The following PTK2 variants were observed in gnomAD, a reference collection of about 807,000 sequenced individuals.
PTK2 encodes focal adhesion kinase 1.
In PTK2, 45 loss-of-function variants were observed where a neutral mutation model predicts 150.1. That is an observed-to-expected ratio of 0.30 (90% confidence interval 0.24 to 0.38). PTK2 has a LOEUF of 0.38. Ranked by LOEUF, PTK2 falls within the 10% of genes least tolerant of loss-of-function variation. The probability of loss-of-function intolerance (pLI) is 1.00; values close to 1 mark genes in which losing one functional copy is unlikely to be tolerated. For missense variants in PTK2, 919 were observed against 1,307.3 expected, an observed-to-expected ratio of 0.70 and a Z score of 4.58; for synonymous variants, 432 against 449.2, an observed-to-expected ratio of 0.96 and a Z score of 0.48.
At chr8:140,870,592 G>A (rs768885059) in intron 4 of PTK2, among the ~76,000 whole-genome samples, 6 of 152,180 alleles carry the variant, frequency 3.9e-5, no homozygotes, top group Non-Finnish European at 7.4e-5. Flanking sequence ...CAGATGTCAC[G>A]GACAAAATCC....
At chr8:140,932,820 G>A (rs1460294700) in intron 1 of PTK2, among the ~76,000 whole-genome samples, 3 of 151,608 alleles carry the variant, frequency 2.0e-5, no homozygotes, top group East Asian at 1.9e-4. Flanking sequence ...CAAACAAGAC[G>A]GGGGTTTGTA....
chr8:140,746,892 C>CTT (rs369382658), intron 17 of PTK2, 32 bp from the exon 21 acceptor site: 4,144 of 983,710 alleles, frequency 4.2e-3, no homozygotes, highest in Non-Finnish European at 4.6e-3. Flanking sequence ...GTTATTCTTT[C>CTT]TTTTTTTTTT....
chr8:140,820,447 G>T (rs759464986), intron 8 of PTK2, among the ~76,000 whole-genome samples: 3 of 152,056 alleles, frequency 2.0e-5, no homozygotes, highest in Non-Finnish European at 4.4e-5. Context: ...GTTGTGAACA[G>T]TATGAAAGGA....
chr8:140,923,916 G>A lies in PTK2; in HGVS notation c.-33+1745C>T, dbSNP rs368796646. ...TGGTCTCTCTGCTCCAGCTCTCACC[G>A]CCCTACACTCTATTCACAACCCTTC... On this transcript the variant is annotated intron_variant, in intron 2 of 31. Transcript: ENST00000522684. 4.4e-4 allele frequency among the ~76,000 whole-genome samples: 67 copies of A among 152,000 alleles called. 2 individuals are homozygous for A. Among genetic ancestry groups the A allele is most frequent in the South Asian group, 3.3e-3 (16 of 4,808 alleles).
At chr8:140,980,188 T>C (rs1169664858) in intron 1 of PTK2, among the ~76,000 whole-genome samples, 1 of 152,186 alleles carries the variant, frequency 6.6e-6, no homozygotes. Context: ...CAACTGCCCA[T>C]CAATTGTAGG....
chr8:140,866,374 C>A (rs1464958921), intron 4 of PTK2, among the ~76,000 whole-genome samples: 1 of 152,222 alleles, frequency 6.6e-6, no homozygotes, highest in African/African-American at 2.4e-5. Context: ...TCTGATGCTG[C>A]TGGTGATCAT....
chr8:140,967,618 G>A (rs985543041), intron 1 of PTK2, among the ~76,000 whole-genome samples: 3 of 151,822 alleles, frequency 2.0e-5, no homozygotes, highest in African/African-American at 4.8e-5. Context: ...CTGCCACCAC[G>A]CCCAGCTAAT....
intron 25 of PTK2, among the ~76,000 whole-genome samples, chr8:140,701,722 A>T (rs1355024488): frequency 1.3e-5 from 2 of 152,186 alleles, no homozygotes; most frequent in East Asian, 1.9e-4. Context: ...TTGCCTTTCA[A>T]ATAAATGGAC....
At chr8:140,738,914 A>T in intron 21 of PTK2, 104 bp downstream of exon 24, 1 of 661,326 alleles carries the variant, frequency 1.5e-6, no homozygotes, top group Non-Finnish European at 2.4e-6. Flanking sequence ...TGATCAGGTT[A>T]GGGAAGGCAA....
chr8:140,713,590 C>A (rs2100037934), intron 23 of PTK2, among the ~76,000 whole-genome samples: 1 of 152,214 alleles, frequency 6.6e-6, no homozygotes, highest in Non-Finnish European at 1.5e-5. Context: ...CGGGGACCTA[C>A]AGAGGTCCAA....
At chr8:140,897,832 T>C (rs1354448218) in intron 2 of PTK2, among the ~76,000 whole-genome samples, 1 of 152,218 alleles carries the variant, frequency 6.6e-6, no homozygotes, top group African/African-American at 2.4e-5. Context: ...AAAAAGTCTT[T>C]TACCCCCTCA....
intron 27 of PTK2, among the ~76,000 whole-genome samples, chr8:140,686,429 A>G (rs1172172070): frequency 6.6e-6 from 1 of 152,230 alleles, no homozygotes; most frequent in East Asian, 1.9e-4. Context: ...GCCTTTATCA[A>G]TAATAGTGCA....
At chr8:140,849,142 A>G (rs899275149) in intron 5 of PTK2, among the ~76,000 whole-genome samples, 11 of 152,348 alleles carry the variant, frequency 7.2e-5, no homozygotes, top group Admixed American at 7.2e-4. Context: ...TCAGAGCTGC[A>G]TGATCACACA....
At chr8:140,755,606 G>A (rs2100065211) in intron 16 of PTK2, among the ~76,000 whole-genome samples, 1 of 152,112 alleles carries the variant, frequency 6.6e-6, no homozygotes, top group Non-Finnish European at 1.5e-5. Flanking sequence ...ATCCCATGTG[G>A]AACAGCATCT....
chr8:140,807,022 T>C (rs189965796), intron 10 of PTK2, among the ~76,000 whole-genome samples: 50 of 152,328 alleles, frequency 3.3e-4, no homozygotes, highest in Admixed American at 8.5e-4. Context: ...GAAAGCCCCA[T>C]GAGGATGGGA....
chr8:140,722,676 G>A (rs1055134567), intron 22 of PTK2, among the ~76,000 whole-genome samples: 2 of 152,150 alleles, frequency 1.3e-5, no homozygotes, highest in Non-Finnish European at 2.9e-5. Context: ...TGAGAGAGAA[G>A]CACATCCCTG....
chr8:140,809,959 G>A (rs1175727843), intron 10 of PTK2, among the ~76,000 whole-genome samples: 2 of 152,224 alleles, frequency 1.3e-5, no homozygotes, highest in Non-Finnish European at 2.9e-5. Context: ...AAAATCACCA[G>A]AGAGAGGGAA....
chr8:140,967,675 G>C (rs548920562), intron 1 of PTK2, among the ~76,000 whole-genome samples: 1 of 152,138 alleles, frequency 6.6e-6, no homozygotes, highest in Non-Finnish European at 1.5e-5. Flanking sequence ...GGCCAGGCTG[G>C]TCTCCAACTC....
At position 140,833,337 on chromosome 8, in the gene PTK2, G is replaced by A. The variant is rs561205014; in HGVS notation, c.594-2811C>T. Among the ~76,000 whole-genome samples, 6 of 152,002 alleles carry A rather than the reference G, an allele frequency of 3.9e-5. No individual in the cohort carries two copies. The South Asian group carries it at 1.2e-3, about 31-fold the overall frequency. The stretch of plus-strand genomic sequence containing the variant: ...TAAAAATGAGGCTCAAGTACACAAG[G>A]TCATGGTAAAAATTCTGCAACGCTG... On this transcript the variant is annotated intron_variant, in intron 7 of 31. Coordinates refer to ENST00000522684, the Ensembl canonical transcript of PTK2.
Sources: gnomAD v4.1 joint callset for allele counts (sites outside exome capture counted in the v4.1 genomes callset) on GRCh38, gnomAD v4.1.1 for gene constraint, MANE v1.5 for transcripts, NCBI Gene and HGNC (gene_info 2026-07-23, HGNC 2026-07-21) for gene names.